Variants in ORC4 observed in about 807,000 individuals in gnomAD.
ORC4 encodes origin recognition complex, subunit 4 homolog.
In ORC4, 55 loss-of-function variants were observed where a neutral mutation model predicts 63.9. The ratio of observed to expected loss-of-function variants is 0.86; its 90% CI spans 0.69 to 1.08. The LOEUF is 1.08. Ranked by LOEUF, ORC4 falls within the 50% of genes least tolerant of loss-of-function variation. ORC4 has a pLI of 0.00. For missense variants in ORC4, 511 were observed against 504.4 expected (o/e 1.01, Z -0.13); for synonymous variants, 150 against 168.5 (o/e 0.89, Z 0.85).
intron 1 of ORC4, among the ~76,000 whole-genome samples, chr2:148,015,674 CTTT>C (rs372478805): frequency 7.0e-6 from 1 of 142,474 alleles, no homozygotes; most frequent in African/African-American, 2.5e-5. Context: ...GCATTTCTTG[CTTT>C]TTTTTTTTGG....
At chr2:147,964,737 T>G (rs954387814) in intron 4 of ORC4, among the ~76,000 whole-genome samples, 1 of 152,220 alleles carries the variant, frequency 6.6e-6, no homozygotes, top group Non-Finnish European at 1.5e-5. Context: ...ACAGTAGATT[T>G]CTTCTTCTTT....
At chr2:147,951,622 T>A (rs968298103) in intron 8 of ORC4, 3 of 152,196 alleles carry the variant, frequency 2.0e-5, no homozygotes, top group African/African-American at 7.2e-5. Context: ...TGCGCTTGAA[T>A]TTTTCAGCCT....
At chr2:148,015,854 C>T (rs900816255) in intron 1 of ORC4, among the ~76,000 whole-genome samples, 1 of 152,110 alleles carries the variant, frequency 6.6e-6, no homozygotes, top group Non-Finnish European at 1.5e-5. Context: ...TGCTAATGAA[C>T]GTACAGTGCA....
chr2:148,021,477 G>T, upstream of ORC4: 1 of 578,714 alleles, frequency 1.7e-6, no homozygotes. Context: ...TGCTGCTGCT[G>T]CTGTTGCTGC....
Position 147,958,871 on chromosome 2 carries a change from A to C in ORC4, c.226-5T>G. 6 of 1,149,206 alleles carry C rather than the reference A, an allele frequency of 5.2e-6. No homozygotes were observed. Among genetic ancestry groups the C allele is most frequent in the Non-Finnish European group, 7.9e-6 (6 of 762,786 alleles). 71.2% of individuals were successfully genotyped at this position (1,149,206 alleles called of 1,614,324 possible). On this transcript the variant is annotated splice_region_variant and splice_polypyrimidine_tract_variant and intron_variant, in intron 4 of 13. Transcript: ENST00000392857. ...TTTCAAAGCATGATTTATTAACTAA[A>C]TATGAAAAGTTTATGAAATAATAAT...
intron 1 of ORC4, among the ~76,000 whole-genome samples, chr2:148,016,487 G>A (rs1255508689): frequency 2.0e-5 from 3 of 152,138 alleles, no homozygotes; most frequent in South Asian, 2.1e-4. Context: ...ACACCCAACC[G>A]CACACTGCAC....
At chr2:148,006,315 A>C (rs7597669) in intron 1 of ORC4, among the ~76,000 whole-genome samples, 56,874 of 151,502 alleles carry the variant, frequency 0.38, 11,242 homozygotes, top group South Asian at 0.5. Flanking sequence ...TCCTCCCCCC[A>C]AGGAGAGTAA....
rs1243604953 is a variant in ORC4, at chr2:147,932,998, A to G, written c.*2512T>C. 1 of 152,104 alleles carries G rather than the reference A, an allele frequency of 6.6e-6. No individual in the cohort carries two copies. The highest frequency in any genetic ancestry group is 1.5e-5 in the Non-Finnish European group (1 of 68,008). 9.4% of individuals were successfully genotyped at this position (152,104 alleles called of 1,614,324 possible). On this transcript the variant is annotated 3_prime_UTR_variant, in exon 14 of 14. Coordinates refer to ENST00000392857, the MANE Select transcript of ORC4 (RefSeq NM_181741.4). ...GTAAGTTTGGACCAAACAGGTATTC[A>G]TTCCCCAGAGCCTTTCACATGCACG... is the stretch of plus-strand genomic sequence containing the variant.
At chr2:148,017,850 T>C (rs552879441) in intron 1 of ORC4, among the ~76,000 whole-genome samples, 2 of 152,368 alleles carry the variant, frequency 1.3e-5, no homozygotes, top group Non-Finnish European at 2.9e-5. Context: ...TCAGTCATAC[T>C]AGCCACATTT....
At chr2:148,019,123 A>G (rs1233606138) in intron 1 of ORC4, among the ~76,000 whole-genome samples, 1 of 152,172 alleles carries the variant, frequency 6.6e-6, no homozygotes, top group Non-Finnish European at 1.5e-5. Context: ...TTACACTACA[A>G]AGAAAATTTT....
intron 1 of ORC4, among the ~76,000 whole-genome samples, chr2:147,996,982 C>T (rs1445856963): frequency 6.6e-6 from 1 of 152,096 alleles, no homozygotes; most frequent in Non-Finnish European, 1.5e-5. Flanking sequence ...TTTATAATTG[C>T]CAAAACTTGG....
chr2:147,950,939 G>A (rs574730608), intron 8 of ORC4, among the ~76,000 whole-genome samples: 215 of 145,286 alleles, frequency 1.5e-3, no homozygotes, highest in Non-Finnish European at 2.6e-3. Flanking sequence ...CCACCCAAAG[G>A]AAGATTTTTT....
chr2:147,937,391 A>G (rs2105253604), intron 13 of ORC4, among the ~76,000 whole-genome samples: 1 of 152,318 alleles, frequency 6.6e-6, no homozygotes, highest in Admixed American at 6.5e-5. Context: ...GTTTAGAACA[A>G]TTTCAAAATG....
intron 1 of ORC4, among the ~76,000 whole-genome samples, chr2:147,988,040 G>A (rs566509671): frequency 8.2e-5 from 12 of 145,786 alleles, no homozygotes; most frequent in Non-Finnish European, 1.2e-4. Context: ...GCAACAGAGC[G>A]AGACTCTGTC....
At position 147,975,902 on chromosome 2, in the gene ORC4, C is replaced by T; in HGVS notation, c.57G>A (p.Gln19=). 2 of 1,530,912 alleles carry T rather than the reference C, an allele frequency of 1.3e-6. No individual in the cohort carries two copies. Among genetic ancestry groups the T allele is most frequent in the Non-Finnish European group, 1.8e-6 (2 of 1,104,394 alleles). The allele number at this position is 1,530,912 out of a possible 1,614,324, so 94.8% of individuals were successfully genotyped here. A position where few individuals can be genotyped will look rare whatever the true frequency, so the allele number is the denominator to read the frequency against. Residue 19 remains glutamine (Q), a splice_region_variant and synonymous_variant, in exon 2 of 14, where the codon CAG becomes CAA. Coordinates refer to ENST00000392857, the MANE Select transcript of ORC4 (RefSeq NM_181741.4). The part of the protein sequence containing the change: ...NSLIHTECLS[Q]VQRILRERFC... ...GAGATTAATGAAAATACATACTAAC[C>T]TGTGAAAGGCACTCTGTGTGAATTA... is the stretch of plus-strand genomic sequence containing the variant.
intron 1 of ORC4, among the ~76,000 whole-genome samples, chr2:147,980,977 C>G (rs544538298): frequency 4.6e-5 from 7 of 152,250 alleles, no homozygotes; most frequent in Middle Eastern, 3.4e-3. Flanking sequence ...AAGTGTCCAT[C>G]AATGGATGAA....
intron 1 of ORC4, among the ~76,000 whole-genome samples, chr2:148,017,945 G>A (rs1238956626): frequency 6.6e-6 from 1 of 152,088 alleles, no homozygotes; most frequent in South Asian, 2.1e-4. Context: ...TTTAAACTAC[G>A]TATACAATTC....
intron 4 of ORC4, among the ~76,000 whole-genome samples, chr2:147,963,278 T>C (rs914429722): frequency 2.0e-5 from 3 of 152,174 alleles, no homozygotes; most frequent in African/African-American, 7.2e-5. Context: ...GCAGACACTC[T>C]TTTGGGCCAG....
At chr2:147,978,024 C>T (rs1435074705) in intron 1 of ORC4, among the ~76,000 whole-genome samples, 2 of 152,150 alleles carry the variant, frequency 1.3e-5, no homozygotes, top group Non-Finnish European at 1.5e-5. Flanking sequence ...GGGGCTGGAG[C>T]CACTTTTCAG....
Sources: allele counts gnomAD v4.1 joint callset (sites outside exome capture counted in the v4.1 genomes callset), GRCh38; gene constraint gnomAD v4.1.1; transcripts MANE v1.5; gene names NCBI Gene and HGNC (gene_info 2026-07-23, HGNC 2026-07-21).